Variants in AKR1E2 observed in about 807,000 individuals in gnomAD.
AKR1E2 encodes aldo-keto reductase family 1 member E2, also known as 1,5-anhydro-D-fructose reductase.
A neutral mutation model predicts 41.9 loss-of-function variants in AKR1E2; 43 were observed. That is an observed-to-expected ratio of 1.03 (90% CI 0.80 to 1.32). AKR1E2 has a LOEUF of 1.32. AKR1E2 is among the 40% of genes most tolerant of loss of function. AKR1E2 has a pLI of 0.00. For synonymous variants in AKR1E2, 121 were observed against 138.9 expected (o/e 0.87, Z 0.91); for missense variants, 423 against 396.5 (o/e 1.07, Z -0.57).
At chr10:4,859,661 A>C in the AKR1E2 span, among the ~76,000 whole-genome samples, 1 of 152,230 alleles carries the variant, frequency 6.6e-6, no homozygotes, top group East Asian at 1.9e-4. Context: ...ATTTACAGCC[A>C]TTGTATGAGG....
chr10:4,866,932 A>C, the AKR1E2 span, among the ~76,000 whole-genome samples: 2 of 152,192 alleles, frequency 1.3e-5, no homozygotes, highest in South Asian at 4.2e-4. Context: ...TCTGCAAAAT[A>C]CCCAGGCACT....
chr10:4,845,848 G>A (rs1564277857), intron 8 of AKR1E2: 1 of 470,660 alleles, frequency 2.1e-6, no homozygotes, highest in African/African-American at 2.0e-5. Context: ...TGAGACCTGA[G>A]GGCCAAAGCC....
In AKR1E2 at chr10:4,842,419, A is replaced by C; in HGVS notation, c.754-2A>C. The C allele has an allele frequency of 6.2e-7, 1 of 1,613,960 alleles. No individual in the cohort carries two copies. The highest frequency in any genetic ancestry group is 8.5e-7 in the Non-Finnish European group (1 of 1,179,852). On this transcript the variant is annotated splice_acceptor_variant, in intron 7 of 9. Coordinates refer to ENST00000298375, the MANE Select transcript of AKR1E2 (RefSeq NM_001040177.3). LOFTEE classifies it high-confidence loss of function. ...GATAGTAGACTTTTTGTTTCCTTGC[A>C]GATTTTGATCCGATTTCAAATCCAG...
the AKR1E2 span, among the ~76,000 whole-genome samples, chr10:4,871,503 T>C: frequency 1.3e-5 from 2 of 152,146 alleles, no homozygotes; most frequent in Admixed American, 1.3e-4. Flanking sequence ...TACAAACAAG[T>C]AAAAAATGTA....
chr10:4,851,252 C>T (rs1428089520), downstream of AKR1E2, among the ~76,000 whole-genome samples: 1 of 152,232 alleles, frequency 6.6e-6, no homozygotes, highest in Non-Finnish European at 1.5e-5. Flanking sequence ...AATTCTTTTA[C>T]GTATCCATAC....
At chr10:4,865,111 C>G in the AKR1E2 span, among the ~76,000 whole-genome samples, 1 of 152,158 alleles carries the variant, frequency 6.6e-6, no homozygotes, top group Admixed American at 6.5e-5. Context: ...TAAAGTTACT[C>G]TCTAACACAT....
downstream of AKR1E2, among the ~76,000 whole-genome samples, chr10:4,848,805 C>T (rs375575833): frequency 2.0e-4 from 31 of 152,312 alleles, no homozygotes; most frequent in East Asian, 2.1e-3. Flanking sequence ...AAAAGTTGTG[C>T]TTTTCTAGCT....
At chr10:4,866,981 C>T in the AKR1E2 span, among the ~76,000 whole-genome samples, 2 of 152,092 alleles carry the variant, frequency 1.3e-5, no homozygotes, top group Non-Finnish European at 2.9e-5. Context: ...TTGTAGCCTC[C>T]AGCTGCATGA....
chr10:4,854,544 G>T, the AKR1E2 span, among the ~76,000 whole-genome samples: 1 of 152,134 alleles, frequency 6.6e-6, no homozygotes. Context: ...GGACTATAGT[G>T]AGGAACCCCC....
At chr10:4,866,957 G>A in the AKR1E2 span, among the ~76,000 whole-genome samples, 34,175 of 151,954 alleles carry the variant, frequency 0.22, 4,058 homozygotes, top group Middle Eastern at 0.35. Flanking sequence ...AGCAGTTTAC[G>A]GAGGGTCAGA....
At position 4,840,215 on chromosome 10, in the gene AKR1E2, G is replaced by C. The variant is rs144826861; in HGVS notation, c.680+389G>C. 1.4e-3 allele frequency among the ~76,000 whole-genome samples: 215 copies of C among 152,278 alleles called. 1 individual carries two copies. Among genetic ancestry groups the C allele is most frequent in the African/African-American group, 4.9e-3 (204 of 41,574 alleles). On this transcript the variant is annotated intron_variant, in intron 6 of 9. Coordinates refer to ENST00000298375, the MANE Select transcript of AKR1E2 (RefSeq NM_001040177.3). ...TCTTTACCCAGGCCCTCCTGCAGCT[G>C]TACTGTGCTCCCAAGATCAGCTAAG...
intron 2 of AKR1E2, among the ~76,000 whole-genome samples, chr10:4,833,127 G>A (rs2131511105): frequency 6.6e-6 from 1 of 152,314 alleles, no homozygotes; most frequent in African/African-American, 2.4e-5. Flanking sequence ...TTGAGGAGGA[G>A]TCAGGCAGAA....
chr10:4,825,746 G>A (rs902241594), upstream of AKR1E2, among the ~76,000 whole-genome samples: 2 of 152,212 alleles, frequency 1.3e-5, no homozygotes, highest in Non-Finnish European at 2.9e-5. Context: ...CGCGCACCCT[G>A]TGCCCCAGGG....
chr10:4,826,415 T>C, intron 1 of AKR1E2, 52 bp downstream of exon 1: 8 of 1,227,986 alleles, frequency 6.5e-6, no homozygotes, highest in African/African-American at 1.6e-5. Context: ...AGCGCGGGAC[T>C]TGGGGGCGCC....
At chr10:4,848,196 GC>G (rs1466548522), downstream of AKR1E2, 1 of 151,242 alleles carries the variant, frequency 6.6e-6, no homozygotes, top group East Asian at 1.9e-4. Flanking sequence ...TCCTGCCTCA[GC>G]CCCCCAAGTA....
chr10:4,836,410 C>G (rs140409715), intron 4 of AKR1E2, among the ~76,000 whole-genome samples: 1 of 152,158 alleles, frequency 6.6e-6, no homozygotes, highest in Non-Finnish European at 1.5e-5. Flanking sequence ...AGTTGACCCA[C>G]AGGCTGGGGT....
upstream of AKR1E2, chr10:4,825,083 C>G (rs1051048005): frequency 4.5e-6 from 2 of 448,968 alleles, no homozygotes; most frequent in Non-Finnish European, 9.0e-6. Flanking sequence ...ATGAGAGTAT[C>G]GAAGATCCCC....
the AKR1E2 span, among the ~76,000 whole-genome samples, chr10:4,866,555 C>T: frequency 6.6e-6 from 1 of 151,928 alleles, no homozygotes; most frequent in Non-Finnish European, 1.5e-5. Context: ...GTAATTCACG[C>T]AGAGCCAGCT....
the AKR1E2 span, among the ~76,000 whole-genome samples, chr10:4,862,045 A>G: frequency 1.3e-5 from 2 of 152,148 alleles, no homozygotes; most frequent in Admixed American, 1.3e-4. Flanking sequence ...GTTTTCTTCT[A>G]GGGTTTTTAT....
Sources: gnomAD v4.1 joint callset for allele counts (sites outside exome capture counted in the v4.1 genomes callset) on GRCh38, gnomAD v4.1.1 for gene constraint, MANE v1.5 for transcripts, NCBI Gene and HGNC (gene_info 2026-07-23, HGNC 2026-07-21) for gene names.